FANCI: variants seen among roughly 807,000 people sequenced by gnomAD.
FANCI encodes FA complementation group I, also known as Fanconi anemia group I protein.
FANCI carries 156 observed loss-of-function variants against 176.1 expected under a neutral mutation model. The ratio of observed to expected loss-of-function variants is 0.89; its 90% confidence interval spans 0.78 to 1.01. FANCI has a LOEUF of 1.01. Ranked by LOEUF, FANCI falls within the 50% of genes least tolerant of loss-of-function variation. The pLI, the probability that FANCI is intolerant of heterozygous loss-of-function variation, is 0.00. For missense variants in FANCI, 1,678 were observed against 1,534.1 expected, an observed-to-expected ratio of 1.09 and a Z score of -1.57; for synonymous variants, 613 against 541.7, an observed-to-expected ratio of 1.13 and a Z score of -1.83.
intron 34 of FANCI, among the ~76,000 whole-genome samples, chr15:89,311,213 C>A (rs959700436): frequency 6.6e-6 from 1 of 151,768 alleles, no homozygotes; most frequent in African/African-American, 2.4e-5. Context: ...GAGATGAGAT[C>A]ACACCACTGC....
Position 89,261,714 on chromosome 15 carries a change from A to G in FANCI, c.418A>G (p.Lys140Glu), listed in dbSNP as rs1410323660. 2.5e-6 allele frequency: 4 copies of G among 1,614,012 alleles called. No homozygotes were observed. In the African/African-American group the frequency reaches 4.0e-5, roughly 16 times the overall value. ...TATCATTCTCACTGCCCTGGCTACG[A>G]AAAAGGAAAATCTGGCTTATGGAAA... ...LPIILTALAT[K>E]KENLAYGKGV... is the part of the protein sequence containing the mutation. The change falls in exon 5 of 38, where the codon AAA becomes GAA. Residue 140 changes from lysine to glutamate, a missense_variant. Lys to Glu is a moderately conservative substitution (Grantham distance 56). Transcript: ENST00000310775.
chr15:89,261,528 A>C, intron 4 of FANCI, 57 bp from the exon 5 acceptor site: 1 of 1,603,106 alleles, frequency 6.2e-7, no homozygotes, highest in South Asian at 1.1e-5. Context: ...TTTCTTAGAA[A>C]GATTTATCAA....
chr15:89,306,165 T>G lies in FANCI; in HGVS notation c.3508T>G (p.Tyr1170Asp). 6.2e-7 allele frequency: 1 copy of G among 1,614,194 alleles called. No individual in the cohort carries two copies. Among genetic ancestry groups the G allele is most frequent in the Non-Finnish European group, 8.5e-7 (1 of 1,180,042 alleles). The change falls in exon 32 of 38, where the codon TAC (tyrosine) becomes GAC (aspartate). Residue 1170 changes from tyrosine to aspartate, a missense_variant. By Grantham distance (160) the Tyr-to-Asp change is radical. Coordinates refer to ENST00000310775, the MANE Select transcript of FANCI (RefSeq NM_001113378.2). ...CTTGTTAAAGGACTTGTGCAAAATGTACACCACACTTACAGCCCTTGTCAG... is the reference window on the plus strand; with the variant it reads ...CTTGTTAAAGGACTTGTGCAAAATGGACACCACACTTACAGCCCTTGTCAG... ...DTLLKDLCKM[Y>D]TTLTALVRYY...
chr15:89,286,053 G>A (rs567174701), intron 18 of FANCI, among the ~76,000 whole-genome samples: 3 of 151,850 alleles, frequency 2.0e-5, no homozygotes, highest in Admixed American at 2.0e-4. Flanking sequence ...GCACAATCTC[G>A]GTTCACTGCA....
intron 8 of FANCI, among the ~76,000 whole-genome samples, 157 bp from the exon 9 acceptor site, chr15:89,264,365 C>T (rs2052848941): frequency 6.6e-6 from 1 of 152,206 alleles, no homozygotes; most frequent in Admixed American, 6.5e-5. Context: ...CTTGTTTCAA[C>T]ATGAAAGTGT....
rs572197481 is a variant in FANCI, at chr15:89,305,881, C to T, written c.3350-126C>T. ...CTTATCACAGCACGATTAATTCACTCTGCATATTGAATGTTCGTTTTTCCA... is the reference window on the plus strand; with the variant it reads ...CTTATCACAGCACGATTAATTCACTTTGCATATTGAATGTTCGTTTTTCCA... On this transcript the variant is annotated intron_variant, in intron 31 of 37. Coordinates refer to ENST00000310775, the MANE Select transcript of FANCI (RefSeq NM_001113378.2). 1.5e-5 allele frequency: 16 copies of T among 1,072,338 alleles called. No individual in the cohort carries two copies. The East Asian group carries it at 1.7e-4, about 12-fold the overall frequency. 66.4% of individuals were successfully genotyped at this position (1,072,338 alleles called of 1,614,324 possible).
rs933863596 is a variant in FANCI, at chr15:89,316,654, G to C, written c.*195G>C. 4.9e-6 allele frequency: 6 copies of C among 1,212,222 alleles called. No individual in the cohort carries two copies. The African/African-American group carries it at 9.0e-5, about 18-fold the overall frequency. The allele number at this position is 1,212,222 out of a possible 1,614,324, so 75.1% of individuals were successfully genotyped here. On this transcript the variant is annotated 3_prime_UTR_variant, in exon 38 of 38. Transcript: ENST00000310775. ...CTGAAAAATGGCTGGCCTTAGGCAAGCCCTTTTGCAAAAAGCACAGCTGAA... is the reference window on the plus strand; with the variant it reads ...CTGAAAAATGGCTGGCCTTAGGCAACCCCTTTTGCAAAAAGCACAGCTGAA...
rs780719631 is a variant in FANCI, at chr15:89,264,015, C to G, written c.658C>G (p.Leu220Val). 4 of 1,614,078 alleles carry G rather than the reference C, an allele frequency of 2.5e-6. No homozygotes were observed. The highest frequency in any genetic ancestry group is 1.1e-5 in the South Asian group (1 of 91,078). The change falls in exon 8 of 38, where the codon CTC (leucine) becomes GTC (valine). Residue 220 changes from leucine (L) to valine (V), a missense_variant. By Grantham distance (32) the Leu-to-Val change is conservative (BLOSUM62 1). Transcript: ENST00000310775. Reference sequence around the variant, plus strand: ...ACCTTTGGTCTATCAGCTTCTGGTTCTCTCCTCCAAGGTACAAATGGAAAA... The same window carrying G: ...ACCTTTGGTCTATCAGCTTCTGGTTGTCTCCTCCAAGGTACAAATGGAAAA... ...IPPLVYQLLV[L>V]SSKGSRKSVL...
chr15:89,294,605 G>T (rs1047891231), intron 23 of FANCI, among the ~76,000 whole-genome samples: 1 of 150,612 alleles, frequency 6.6e-6, no homozygotes, highest in African/African-American at 2.4e-5. Context: ...AAAGGTAGGG[G>T]GGGTGACTGA....
chr15:89,313,900 T>C lies in FANCI; in HGVS notation c.3721-712T>C, dbSNP rs1217688014. On this transcript the variant is annotated intron_variant, in intron 35 of 37. Coordinates refer to ENST00000310775, the MANE Select transcript of FANCI (RefSeq NM_001113378.2). ...GTACAGTATCCTCATGGGTTAAAAA[T>C]ACACACACACACACACACACACACA... Among the ~76,000 whole-genome samples the C allele has an allele frequency of 2.1e-5, 3 of 142,646 alleles. No individual in the cohort carries two copies. In the East Asian group the frequency reaches 6.4e-4, roughly 31 times the overall value. The allele number at this position is 142,646 out of a possible 152,430, so 93.6% of individuals were successfully genotyped here.
intron 25 of FANCI, 95 bp downstream of exon 25, chr15:89,300,061 G>C: frequency 7.1e-7 from 1 of 1,406,078 alleles, no homozygotes; most frequent in Non-Finnish European, 1.0e-6. Flanking sequence ...AGACACTTGA[G>C]AACAGTCCTA....
At chr15:89,283,759 C>CTT (rs199549740) in intron 17 of FANCI, among the ~76,000 whole-genome samples, 1 of 142,558 alleles carries the variant, frequency 7.0e-6, no homozygotes, top group Admixed American at 7.0e-5. Context: ...ATATTTCTTT[C>CTT]TTTTTTTTTT....
chr15:89,246,796 C>T lies in FANCI; in HGVS notation c.-19-833C>T, dbSNP rs145402587. 3.9e-3 allele frequency among the ~76,000 whole-genome samples: 532 copies of T among 136,522 alleles called. 2 individuals are homozygous for T. The highest frequency in any genetic ancestry group is 6.8e-3 in the Non-Finnish European group (446 of 65,430). 89.6% of individuals were successfully genotyped at this position (136,522 alleles called of 152,430 possible). The stretch of plus-strand genomic sequence containing the variant: ...TTTTTTTTTTTTTGAGACAGAGCCT[C>T]GCTCTGTCGCCCAGGCTGGAGTGCA... On this transcript the variant is annotated intron_variant, in intron 1 of 37. Transcript: ENST00000310775.
chr15:89,290,467 A>T (rs1371024881), intron 19 of FANCI, 186 bp downstream of exon 19: 2 of 602,936 alleles, frequency 3.3e-6, no homozygotes, highest in African/African-American at 3.7e-5. Flanking sequence ...CCTGTCTGCC[A>T]TAATACCATC....
At chr15:89,259,115 A>C (rs1290026691) in intron 3 of FANCI, 1 of 321,334 alleles carries the variant, frequency 3.1e-6, no homozygotes, top group African/African-American at 2.1e-5. Context: ...GCAAGGGGCA[A>C]GTAACCTCTG....
At chr15:89,258,126 C>G (rs369832589) in intron 2 of FANCI, among the ~76,000 whole-genome samples, 1 of 151,270 alleles carries the variant, frequency 6.6e-6, no homozygotes, top group East Asian at 1.9e-4. Context: ...TTTGCTGCTT[C>G]TTGGACATTG....
At chr15:89,312,488 C>T (rs2055004388) in intron 34 of FANCI, among the ~76,000 whole-genome samples, 1 of 152,230 alleles carries the variant, frequency 6.6e-6, no homozygotes, top group African/African-American at 2.4e-5. Flanking sequence ...TTACTCCAGA[C>T]TTGGTCCTCA....
chr15:89,293,778 T>C, intron 22 of FANCI, 55 bp from the exon 23 acceptor site: 1 of 1,535,638 alleles, frequency 6.5e-7, no homozygotes, highest in Non-Finnish European at 9.0e-7. Context: ...TATGTAAAAG[T>C]AAACCACAAT....
In FANCI at chr15:89,268,383, C is replaced by T; in HGVS notation, c.756-16C>T. On this transcript the variant is annotated splice_polypyrimidine_tract_variant and intron_variant, in intron 9 of 37. Transcript: ENST00000310775. ...ACTGCACCTTATAGCTCATAACTTT[C>T]TGTTGAATCTTTTAGGCTATTGGAT... 2 of 1,614,038 alleles carry T rather than the reference C, an allele frequency of 1.2e-6. No homozygotes were observed. Among genetic ancestry groups the T allele is most frequent in the Middle Eastern group, 1.6e-4 (1 of 6,062 alleles).
Sources: gnomAD v4.1 joint callset for allele counts (sites outside exome capture counted in the v4.1 genomes callset) on GRCh38, gnomAD v4.1.1 for gene constraint, MANE v1.5 for transcripts, NCBI Gene and HGNC (gene_info 2026-07-23, HGNC 2026-07-21) for gene names.